Variants in SUSD5 observed in about 807,000 individuals in gnomAD.
SUSD5 encodes the protein sushi domain containing 5, also known as sushi domain-containing protein 5.
Under a neutral mutation model 29.5 loss-of-function variants are expected in SUSD5, and 33 were observed. The observed-to-expected ratio is 1.12, with a 90% CI of 0.85 to 1.49. The LOEUF is 1.49. Among genes scored for constraint, SUSD5 ranks in the 40% most tolerant of loss-of-function variants. SUSD5 has a pLI of 0.00. For synonymous variants in SUSD5, 308 were observed against 325.3 expected (o/e 0.95, Z 0.57); for missense variants, 776 against 800.6 (o/e 0.97, Z 0.37).
At chr3:33,169,925 CT>C (rs397989135) in intron 4 of SUSD5, among the ~76,000 whole-genome samples, 9 of 149,356 alleles carry the variant, frequency 6.0e-5, no homozygotes, top group Non-Finnish European at 6.0e-5. Flanking sequence ...TTCTTTCTTT[CT>C]TTTTTTTTTG....
In SUSD5 at chr3:33,175,275, T is replaced by A. The variant is rs573114228; in HGVS notation, c.410-201A>T. Among the ~76,000 whole-genome samples the A allele has an allele frequency of 5.9e-5, 9 of 152,340 alleles. No homozygotes were observed. In the East Asian group the frequency reaches 1.7e-3, roughly 29 times the overall value. Reference sequence around the variant, plus strand: ...TAGAAGAGGCACTCAAAAATACTTGTTGCGTGAATAAACGCCACATAAAGT... The same window carrying A: ...TAGAAGAGGCACTCAAAAATACTTGATGCGTGAATAAACGCCACATAAAGT... On this transcript the variant is annotated intron_variant, in intron 3 of 4. Transcript: ENST00000309558.
intron 3 of SUSD5, among the ~76,000 whole-genome samples, chr3:33,182,729 G>T (rs2031697482): frequency 6.6e-6 from 1 of 152,260 alleles, no homozygotes; most frequent in Admixed American, 6.5e-5. Flanking sequence ...TCTAAAATGA[G>T]TATAGCTACT....
intron 3 of SUSD5, among the ~76,000 whole-genome samples, chr3:33,188,603 T>C (rs561349875): frequency 6.6e-6 from 1 of 152,188 alleles, no homozygotes; most frequent in Non-Finnish European, 1.5e-5. Flanking sequence ...AGACTGCTGG[T>C]ACAAGGACCA....
At chr3:33,166,386 T>C (rs1324943726) in intron 4 of SUSD5, among the ~76,000 whole-genome samples, 1 of 152,212 alleles carries the variant, frequency 6.6e-6, no homozygotes, top group Non-Finnish European at 1.5e-5. Context: ...CTTCATGCTC[T>C]TATACGGATA....
rs542347805 is a variant in SUSD5 at position 33,199,552 on chromosome 3, C to T, written c.409+8256G>A. ...CCTCCCAAAGTGCTGGGATTACAGGCGTGAGCCACCACGCCCAACCAAAAA... is the reference window on the plus strand; with the variant it reads ...CCTCCCAAAGTGCTGGGATTACAGGTGTGAGCCACCACGCCCAACCAAAAA... On this transcript the variant is annotated intron_variant, in intron 3 of 4. Transcript: ENST00000309558. Among the ~76,000 whole-genome samples the T allele has an allele frequency of 5.9e-5, 9 of 152,296 alleles. No individual in the cohort carries two copies. The South Asian group carries it at 1.5e-3, about 25-fold the overall frequency.
At chr3:33,160,963 A>T (rs1006904660) in intron 4 of SUSD5, among the ~76,000 whole-genome samples, 10 of 152,234 alleles carry the variant, frequency 6.6e-5, no homozygotes, top group Admixed American at 5.9e-4. Context: ...TGATAAAGCA[A>T]CAATAAGATT....
rs569729577 is a variant in SUSD5, at chr3:33,204,125, A to G, written c.409+3683T>C. 6.6e-6 allele frequency among the ~76,000 whole-genome samples: 1 copy of G among 152,100 alleles called. No individual in the cohort carries two copies. The highest frequency in any genetic ancestry group is 1.5e-5 in the Non-Finnish European group (1 of 67,984). ...AGATGGTTTTTAGGGACAAAGGGGC[A>G]TCATATCTACAAGTTACTCTCCAAT... On this transcript the variant is annotated intron_variant, in intron 3 of 4. Coordinates refer to ENST00000309558, the MANE Select transcript of SUSD5 (RefSeq NM_015551.2). This position sits in a 1 kb window ranked among gnomAD's most constrained non-coding sequence, Gnocchi z 4.5.
intron 3 of SUSD5, among the ~76,000 whole-genome samples, chr3:33,177,037 T>G (rs182069895): frequency 6.6e-6 from 1 of 152,350 alleles, no homozygotes; most frequent in East Asian, 1.9e-4. Flanking sequence ...GCCCTTTGAC[T>G]TTGTTTTTCT....
Position 33,206,963 on chromosome 3 carries a change from G to A in SUSD5, c.409+845C>T, listed in dbSNP as rs544872471. ...GTGCAGCCAAGAAGAACCTGTGCTC[G>A]TTTCTATGACTGATTAGTAAGAAGC... On this transcript the variant is annotated intron_variant, in intron 3 of 4. Coordinates refer to ENST00000309558, the MANE Select transcript of SUSD5 (RefSeq NM_015551.2). Among the ~76,000 whole-genome samples the A allele has an allele frequency of 1.1e-4, 16 of 151,896 alleles. No individual in the cohort carries two copies. The South Asian group carries it at 2.1e-3, about 20-fold the overall frequency.
chr3:33,172,903 T>C, intron 4 of SUSD5, among the ~76,000 whole-genome samples: 1 of 152,222 alleles, frequency 6.6e-6, no homozygotes, highest in East Asian at 1.9e-4. Context: ...TGTGTAAGAG[T>C]TCACAAAGAA....
chr3:33,175,403 C>T (rs958833645), intron 3 of SUSD5, among the ~76,000 whole-genome samples: 1 of 152,016 alleles, frequency 6.6e-6, no homozygotes, highest in Non-Finnish European at 1.5e-5. Flanking sequence ...TCCTTTTTGC[C>T]GTATTTTATA....
intron 3 of SUSD5, 148 bp from the exon 4 acceptor site, chr3:33,175,222 A>G (rs2031524756): frequency 2.5e-6 from 2 of 796,282 alleles, no homozygotes; most frequent in African/African-American, 1.7e-5. Context: ...CACCCTGGCA[A>G]CTCCAAGGCC....
intron 3 of SUSD5, among the ~76,000 whole-genome samples, chr3:33,202,626 C>T (rs1479056367): frequency 2.6e-5 from 4 of 152,230 alleles, no homozygotes; most frequent in East Asian, 1.9e-4. Flanking sequence ...AAAATCAAAG[C>T]CTCCAGACCC....
chr3:33,214,201 G>A, intron 1 of SUSD5, 96 bp from the exon 2 acceptor site: 1 of 1,261,496 alleles, frequency 7.9e-7, no homozygotes, highest in Non-Finnish European at 1.1e-6. Flanking sequence ...TAGAACTGTA[G>A]TCCTTGCCTG....
rs753784801 is a variant in SUSD5 at position 33,153,816 on chromosome 3, C to G, written c.816G>C (p.Leu272Phe). ...RDKVFVPTTG[L>F]PGAGSSVPAD... ...CGGGGACACTGCTCCCAGCACCAGG[C>G]AAGCCTGTGGTTGGCACAAAGACTT... Residue 272 changes from leucine (L) to phenylalanine (F), a missense_variant, in exon 5 of 5, where the codon TTG becomes TTC. By Grantham distance (22) the Leu-to-Phe change is conservative. Transcript: ENST00000309558. The G allele has an allele frequency of 6.8e-6, 11 of 1,613,860 alleles. No homozygotes were observed. The highest frequency in any genetic ancestry group is 7.6e-6 in the Non-Finnish European group (9 of 1,179,848).
intron 3 of SUSD5, among the ~76,000 whole-genome samples, chr3:33,195,582 T>C (rs1333085556): frequency 6.6e-6 from 1 of 152,190 alleles, no homozygotes. Flanking sequence ...CATGAAGATG[T>C]TCAATCATGG....
At chr3:33,211,293 T>C (rs930641086) in intron 2 of SUSD5, among the ~76,000 whole-genome samples, 8 of 152,228 alleles carry the variant, frequency 5.3e-5, no homozygotes, top group Non-Finnish European at 1.0e-4. Context: ...ACCTTTCTAA[T>C]CATCCAGTCC....
rs780589367 is a variant in SUSD5, at chr3:33,153,248, C to T, written c.1384G>A (p.Asp462Asn). 1.2e-6 allele frequency: 2 copies of T among 1,613,888 alleles called. No individual in the cohort carries two copies. The highest frequency in any genetic ancestry group is 1.7e-6 in the Non-Finnish European group (2 of 1,179,882). ...VNASETEGIG[D>N]GDLTKYQSTL... ...GACTGGTACTTCGTCAAGTCACCATCCCCAATGCCCTCAGTCTCGGAAGCA... is the reference window on the plus strand; with the variant it reads ...GACTGGTACTTCGTCAAGTCACCATTCCCAATGCCCTCAGTCTCGGAAGCA... The change falls in exon 5 of 5, where the codon GAT (aspartate) becomes AAT (asparagine). Residue 462 changes from aspartate to asparagine, a missense_variant. By Grantham distance (23) the Asp-to-Asn change is conservative. Transcript: ENST00000309558.
At chr3:33,171,769 G>A (rs933518777) in intron 4 of SUSD5, among the ~76,000 whole-genome samples, 1 of 152,090 alleles carries the variant, frequency 6.6e-6, no homozygotes, top group East Asian at 1.9e-4. Flanking sequence ...TGAAGCCAAC[G>A]CATACATGTT....
Sources: gnomAD v4.1 joint callset for allele counts (sites outside exome capture counted in the v4.1 genomes callset) on GRCh38, gnomAD v4.1.1 for gene constraint, Gnocchi (gnomAD v3.1) non-coding constraint, MANE v1.5 for transcripts, NCBI Gene and HGNC (gene_info 2026-07-23, HGNC 2026-07-21) for gene names.